The following QTMAN variants were observed in gnomAD, a reference collection of about 807,000 sequenced individuals.
QTMAN encodes tRNA-queuosine alpha-mannosyltransferase.
At chr2:144,067,423 T>C in the QTMAN span, among the ~76,000 whole-genome samples, 2 of 152,366 alleles carry the variant, frequency 1.3e-5, no homozygotes, top group East Asian at 1.9e-4. Context: ...AGGAGGTGTG[T>C]GCATGCACAC....
chr2:144,116,394 T>A, the QTMAN span, among the ~76,000 whole-genome samples: 1 of 151,998 alleles, frequency 6.6e-6, no homozygotes, highest in Non-Finnish European at 1.5e-5. Context: ...ATCATCCTAA[T>A]TCCACCATTC....
chr2:144,173,973 G>A, the QTMAN span, among the ~76,000 whole-genome samples: 1 of 152,128 alleles, frequency 6.6e-6, no homozygotes, highest in African/African-American at 2.4e-5. Context: ...AGGAACCCAA[G>A]TCCCTCACCA....
the QTMAN span, among the ~76,000 whole-genome samples, chr2:144,016,517 C>T: frequency 6.6e-6 from 1 of 152,150 alleles, no homozygotes; most frequent in African/African-American, 2.4e-5. Context: ...TAAGAATTTA[C>T]CTTGTTCACA....
chr2:144,180,090 T>C, the QTMAN span, among the ~76,000 whole-genome samples: 1 of 152,148 alleles, frequency 6.6e-6, no homozygotes, highest in East Asian at 1.9e-4. Flanking sequence ...CCAATGAAGA[T>C]GAAAACATAC....
chr2:144,329,921 C>A, the QTMAN span, among the ~76,000 whole-genome samples: 1 of 152,170 alleles, frequency 6.6e-6, no homozygotes, highest in Non-Finnish European at 1.5e-5. Context: ...ATGAGTAGGA[C>A]ATAGCCGAAC....
At chr2:144,260,589 C>A in the QTMAN span, among the ~76,000 whole-genome samples, 1 of 151,886 alleles carries the variant, frequency 6.6e-6, no homozygotes, top group South Asian at 2.1e-4. Flanking sequence ...CTTATTCATT[C>A]ATTCACTCAT....
At chr2:144,126,566 T>C in the QTMAN span, among the ~76,000 whole-genome samples, 2 of 152,078 alleles carry the variant, frequency 1.3e-5, no homozygotes, top group African/African-American at 2.4e-5. Context: ...ACGGCTTCAA[T>C]AGGTTCTTGG....
chr2:144,023,753 T>A, the QTMAN span, among the ~76,000 whole-genome samples: 2 of 152,276 alleles, frequency 1.3e-5, no homozygotes, highest in South Asian at 4.1e-4. Context: ...CTATAAATAC[T>A]AAAACAGATA....
the QTMAN span, among the ~76,000 whole-genome samples, chr2:144,133,184 TATAA>T: frequency 2.0e-5 from 1 of 50,098 alleles, no homozygotes; most frequent in African/African-American, 1.1e-4. Flanking sequence ...ATATATATAA[TATAA>T]ATTTATATAT....
the QTMAN span, among the ~76,000 whole-genome samples, chr2:144,268,048 T>C: frequency 6.6e-6 from 1 of 152,188 alleles, no homozygotes; most frequent in African/African-American, 2.4e-5. Flanking sequence ...TTGGAGGTGT[T>C]GCAGGTGGGG....
the QTMAN span, among the ~76,000 whole-genome samples, chr2:144,250,751 GAAAAAAA>G: frequency 3.0e-5 from 2 of 67,080 alleles, no homozygotes; most frequent in African/African-American, 4.4e-5. Context: ...CTTTAAGGCC[GAAAAAAA>G]AAAAAAAAAA....
chr2:143,955,500 T>C, the QTMAN span, among the ~76,000 whole-genome samples: 1 of 152,146 alleles, frequency 6.6e-6, no homozygotes, highest in Non-Finnish European at 1.5e-5. Flanking sequence ...ACATCATGAA[T>C]AAACTATTGA....
At chr2:144,267,773 G>A in the QTMAN span, among the ~76,000 whole-genome samples, 1 of 152,222 alleles carries the variant, frequency 6.6e-6, no homozygotes, top group South Asian at 2.1e-4. Flanking sequence ...AAGACAAAAA[G>A]AGAGAGAGGT....
chr2:144,019,429 CATGCAGGTGTGTGTGTGT>C, the QTMAN span, among the ~76,000 whole-genome samples: 1 of 100,358 alleles, frequency 1.0e-5, no homozygotes, highest in Non-Finnish European at 2.3e-5. Flanking sequence ...TGTCCATAAG[CATGCAGGTGTGTGTGTGT>C]GTGTGTGTGT....
the QTMAN span, among the ~76,000 whole-genome samples, chr2:144,329,719 C>A: frequency 2.1e-4 from 32 of 152,300 alleles, no homozygotes; most frequent in South Asian, 6.4e-3. Context: ...CACCTGCTAC[C>A]TCTTTCAATA....
At chr2:144,298,588 G>A in the QTMAN span, among the ~76,000 whole-genome samples, 2 of 152,094 alleles carry the variant, frequency 1.3e-5, no homozygotes, top group Admixed American at 6.5e-5. Context: ...TCTTCACTCA[G>A]CTGGGGCCTG....
At chr2:143,969,759 T>A in the QTMAN span, among the ~76,000 whole-genome samples, 1 of 152,018 alleles carries the variant, frequency 6.6e-6, no homozygotes, top group Non-Finnish European at 1.5e-5. Context: ...TTAGGAGAAC[T>A]GGGAAAAGGT....
the QTMAN span, among the ~76,000 whole-genome samples, chr2:144,227,561 G>T: frequency 1.3e-5 from 2 of 151,914 alleles, no homozygotes; most frequent in African/African-American, 4.8e-5. Context: ...AGGGATTATT[G>T]AGGTTCAACA....
chr2:144,077,326 A>G, the QTMAN span, among the ~76,000 whole-genome samples: 2 of 152,232 alleles, frequency 1.3e-5, no homozygotes, highest in African/African-American at 2.4e-5. Context: ...TTAAACTCCA[A>G]AAGTTAGATA....
Sources: allele counts gnomAD v4.1 joint callset (sites outside exome capture counted in the v4.1 genomes callset), GRCh38; gene constraint gnomAD v4.1.1; transcripts MANE v1.5; gene names NCBI Gene and HGNC (gene_info 2026-07-23, HGNC 2026-07-21).